Variants in ANO3 observed in about 807,000 individuals in gnomAD.
ANO3 encodes anoctamin 3.
A neutral mutation model predicts 144.8 loss-of-function variants in ANO3; 99 were observed. The observed-to-expected ratio is 0.68, with a 90% CI of 0.58 to 0.81. The LOEUF (loss-of-function observed/expected upper bound fraction) is 0.81. ANO3 is among the 30% of genes least tolerant of loss of function. The pLI is 0.00. For missense variants in ANO3, 905 were observed against 1,202.2 expected (o/e 0.75, Z 3.66); for synonymous variants, 414 against 392.6 (o/e 1.05, Z -0.64).
At chr11:26,477,844 G>A (rs1860041733) in intron 4 of ANO3, among the ~76,000 whole-genome samples, 1 of 152,144 alleles carries the variant, frequency 6.6e-6, no homozygotes, top group Non-Finnish European at 1.5e-5. Flanking sequence ...AATTTTTTGA[G>A]TAATTTTACT....
intron 7 of ANO3, among the ~76,000 whole-genome samples, chr11:26,527,495 A>G (rs941701583): frequency 1.3e-5 from 2 of 152,130 alleles, no homozygotes; most frequent in East Asian, 1.9e-4. Context: ...CTATAAAATT[A>G]TATAACATTA....
chr11:26,595,480 T>G (rs1211343535), intron 14 of ANO3, among the ~76,000 whole-genome samples: 6 of 147,678 alleles, frequency 4.1e-5, no homozygotes, highest in Non-Finnish European at 8.9e-5. Context: ...TTTTTTTTTT[T>G]TTTTTTTATT....
intron 1 of ANO3, among the ~76,000 whole-genome samples, chr11:26,434,386 G>T (rs974911764): frequency 7.9e-5 from 12 of 152,002 alleles, no homozygotes; most frequent in African/African-American, 2.9e-4. Context: ...CAAACTCCTG[G>T]ATTCGTTGAT....
At chr11:26,259,655 G>A (rs929774742) in intron 1 of ANO3, among the ~76,000 whole-genome samples, 6 of 151,050 alleles carry the variant, frequency 4.0e-5, no homozygotes, top group Middle Eastern at 3.4e-3. Flanking sequence ...TCAACAGAGC[G>A]AGACTCCATA....
intron 1 of ANO3, among the ~76,000 whole-genome samples, chr11:26,408,641 T>C (rs1324355403): frequency 2.7e-5 from 4 of 149,972 alleles, no homozygotes; most frequent in East Asian, 2.0e-4. Context: ...GCCCAAAGGA[T>C]TATAAATCAT....
At chr11:26,541,615 C>T (rs1160304596) in intron 10 of ANO3, among the ~76,000 whole-genome samples, 1 of 130,756 alleles carries the variant, frequency 7.6e-6, no homozygotes, top group East Asian at 2.4e-4. Context: ...AAGATTATCA[C>T]AATTTCTCTC....
At chr11:26,559,537 A>G (rs1201901103) in intron 13 of ANO3, 182 bp from the exon 14 acceptor site, 2 of 569,766 alleles carry the variant, frequency 3.5e-6, no homozygotes, top group African/African-American at 1.9e-5. Flanking sequence ...ACCTCTCCCC[A>G]TGAGAAAAAT....
chr11:26,216,982 G>T (rs564194166), intron 1 of ANO3, among the ~76,000 whole-genome samples: 1 of 151,914 alleles, frequency 6.6e-6, no homozygotes. Flanking sequence ...GTCAGATATT[G>T]TTCTGTAAAT....
chr11:26,236,817 CAAAAAAAAAA>C (rs55979503), intron 1 of ANO3, among the ~76,000 whole-genome samples: 1 of 86,754 alleles, frequency 1.2e-5, no homozygotes, highest in African/African-American at 4.8e-5. Context: ...GACTCCGTCT[CAAAAAAAAAA>C]AAAAAAAAAA....
At chr11:26,376,282 T>A (rs1856403760) in intron 1 of ANO3, among the ~76,000 whole-genome samples, 1 of 152,094 alleles carries the variant, frequency 6.6e-6, no homozygotes, top group South Asian at 2.1e-4. Context: ...TTAGTAACAG[T>A]CACCTTAACA....
chr11:26,253,404 GGGT>G (rs1852980014), intron 1 of ANO3, among the ~76,000 whole-genome samples: 3 of 152,050 alleles, frequency 2.0e-5, no homozygotes, highest in South Asian at 4.1e-4. Context: ...GCCTTTTGGA[GGGT>G]GGAGGGTGAG....
At chr11:26,225,113 A>T (rs532774128) in intron 1 of ANO3, among the ~76,000 whole-genome samples, 1 of 152,264 alleles carries the variant, frequency 6.6e-6, no homozygotes, top group Admixed American at 6.5e-5. Context: ...TCTTTTGTGT[A>T]TTGTAGGCAC....
intron 4 of ANO3, among the ~76,000 whole-genome samples, chr11:26,474,959 A>T (rs1250227122): frequency 6.6e-6 from 1 of 151,982 alleles, no homozygotes; most frequent in African/African-American, 2.4e-5. Context: ...TATAAAATTT[A>T]AAAATGTTTA....
chr11:26,533,499 G>A (rs776146066), intron 8 of ANO3, among the ~76,000 whole-genome samples: 6 of 152,074 alleles, frequency 3.9e-5, no homozygotes, highest in Non-Finnish European at 7.4e-5. Flanking sequence ...AGAGTAGGTT[G>A]GAATGCGAGT....
At chr11:26,608,020 C>T (rs1346149218) in intron 17 of ANO3, among the ~76,000 whole-genome samples, 1 of 152,162 alleles carries the variant, frequency 6.6e-6, no homozygotes, top group Admixed American at 6.5e-5. Flanking sequence ...GTATTCTGGC[C>T]TTTTGGGTTT....
intron 1 of ANO3, among the ~76,000 whole-genome samples, chr11:26,438,609 G>A (rs56094541): frequency 0.55 from 39,141 of 71,234 alleles, 9,309 homozygotes; most frequent in East Asian, 0.65. Flanking sequence ...AAAAAAAAAA[G>A]AAAAAAAAAA....
At chr11:26,558,719 A>C (rs1850165071) in intron 13 of ANO3, among the ~76,000 whole-genome samples, 2 of 152,268 alleles carry the variant, frequency 1.3e-5, no homozygotes, top group African/African-American at 4.8e-5. Flanking sequence ...CTTGCTTTAC[A>C]TATATTTTGC....
intron 14 of ANO3, among the ~76,000 whole-genome samples, chr11:26,592,093 G>C (rs1167809155): frequency 1.3e-5 from 2 of 152,248 alleles, no homozygotes; most frequent in Non-Finnish European, 2.9e-5. Context: ...CTAAGGAGGT[G>C]ATGTCTTCAA....
At chr11:26,509,157 A>G (rs1463960890) in intron 5 of ANO3, among the ~76,000 whole-genome samples, 1 of 151,710 alleles carries the variant, frequency 6.6e-6, no homozygotes, top group Non-Finnish European at 1.5e-5. Flanking sequence ...TTAGCAATAT[A>G]TTACAGATAT....
Sources: allele counts gnomAD v4.1 joint callset (sites outside exome capture counted in the v4.1 genomes callset), GRCh38; gene constraint gnomAD v4.1.1; transcripts MANE v1.5; gene names NCBI Gene and HGNC (gene_info 2026-07-23, HGNC 2026-07-21).